The following JAKMIP1 variants were observed in gnomAD, a reference collection of about 807,000 sequenced individuals.
The protein encoded by JAKMIP1 is janus kinase and microtubule-interacting protein 1.
JAKMIP1 carries 33 observed loss-of-function variants against 113.0 expected under a neutral mutation model. The observed-to-expected ratio is 0.29, with a 90% confidence interval of 0.22 to 0.39. The LOEUF is 0.39. Among genes scored for constraint, JAKMIP1 ranks in the 10% least tolerant of loss-of-function variants. The pLI is 1.00. For missense variants in JAKMIP1, 813 were observed against 1,080.5 expected (o/e 0.75, Z 3.47); for synonymous variants, 480 against 459.9 (o/e 1.04, Z -0.56).
intron 9 of JAKMIP1, among the ~76,000 whole-genome samples, chr4:6,063,934 T>C (rs1017044765): frequency 6.6e-6 from 1 of 152,192 alleles, no homozygotes; most frequent in Non-Finnish European, 1.5e-5. Context: ...CCTGGAGAAG[T>C]GCTCCCTCGC....
Position 6,186,266 on chromosome 4 carries a change from A to G in JAKMIP1, c.-148+13987T>C. 6.6e-6 allele frequency among the ~76,000 whole-genome samples: 1 copy of G among 152,232 alleles called. No homozygotes were observed. Among genetic ancestry groups the G allele is most frequent in the African/African-American group, 2.4e-5 (1 of 41,470 alleles). The stretch of plus-strand genomic sequence containing the variant: ...AGGCACAGCAGGGTGGGGAAGTCCA[A>G]GGAATGGGCATTCCAGGAAAGTGGG... On this transcript the variant is annotated intron_variant, in intron 1 of 20. Transcript: ENST00000409021. This position sits in a 1 kb window ranked among gnomAD's most constrained non-coding sequence, Gnocchi z 5.5.
In JAKMIP1 at chr4:6,143,407, C is replaced by A. The variant is rs957123301; in HGVS notation, c.-147-30410G>T. Among the ~76,000 whole-genome samples the A allele has an allele frequency of 1.3e-5, 2 of 152,150 alleles. No homozygotes were observed. Among genetic ancestry groups the A allele is most frequent in the African/African-American group, 4.8e-5 (2 of 41,434 alleles). On this transcript the variant is annotated intron_variant, in intron 1 of 20. Transcript: ENST00000409021. This position sits in a 1 kb window ranked among gnomAD's most constrained non-coding sequence, Gnocchi z 4.9. The stretch of plus-strand genomic sequence containing the variant: ...TCAGCTGCCACCAACTCCTCTCTGG[C>A]GCCATGTCTGAACCCAGGCTGGTAA...
chr4:6,107,679 A>G (rs1393328691), intron 2 of JAKMIP1, among the ~76,000 whole-genome samples: 1 of 152,156 alleles, frequency 6.6e-6, no homozygotes, highest in Non-Finnish European at 1.5e-5. Flanking sequence ...TCTGCCCTAC[A>G]CATTTCAGAT....
At position 6,138,238 on chromosome 4, in the gene JAKMIP1, TTTTA is replaced by T. The variant is rs553322416; in HGVS notation, c.-147-25245_-147-25242del. Among the ~76,000 whole-genome samples, 96 of 152,210 alleles carry T rather than the reference TTTTA, an allele frequency of 6.3e-4. No individual in the cohort carries two copies. The highest frequency in any genetic ancestry group is 2.2e-3 in the African/African-American group (90 of 41,514). ...ACCCCAGAACCCAAGTTAATTTAAT[TTTTA>T]TTTATTTTTATTTTTATTTTTTTGA... On this transcript the variant is annotated intron_variant, in intron 1 of 20. Coordinates refer to ENST00000409021, the MANE Select transcript of JAKMIP1 (RefSeq NM_001099433.2). This position sits in a 1 kb window ranked among gnomAD's most constrained non-coding sequence, Gnocchi z 6.0.
chr4:6,078,665 G>GT (rs1364822940), intron 8 of JAKMIP1, among the ~76,000 whole-genome samples: 3 of 152,152 alleles, frequency 2.0e-5, no homozygotes, highest in Non-Finnish European at 4.4e-5. Context: ...AAGTATTTAT[G>GT]TTTTTAATTT....
In JAKMIP1 at chr4:6,044,573, A is replaced by G. The variant is rs1714752259; in HGVS notation, c.2029-2346T>C. On this transcript the variant is annotated intron_variant, in intron 16 of 20. Coordinates refer to ENST00000409021, the MANE Select transcript of JAKMIP1 (RefSeq NM_001099433.2). This position sits in a 1 kb window ranked among gnomAD's most constrained non-coding sequence, Gnocchi z 4.4. The stretch of plus-strand genomic sequence containing the variant: ...ACAGATAAGCATATTTTGGATGGGG[A>G]GTTACAGGTATTTCAGTTTTAATAT... Among the ~76,000 whole-genome samples the G allele has an allele frequency of 6.6e-6, 1 of 152,122 alleles. No homozygotes were observed. The highest frequency in any genetic ancestry group is 2.4e-5 in the African/African-American group (1 of 41,428).
rs1218578142 is a variant in JAKMIP1, at chr4:6,089,545, C to G, written c.625-3916G>C. 6.6e-6 allele frequency among the ~76,000 whole-genome samples: 1 copy of G among 152,200 alleles called. No individual in the cohort carries two copies. Among genetic ancestry groups the G allele is most frequent in the African/African-American group, 2.4e-5 (1 of 41,452 alleles). ...GGGAATGTGCTAACACTCTAGTTAG[C>G]AGCAGAACCATGACTCAAGTGCAGA... On this transcript the variant is annotated intron_variant, in intron 3 of 20. Transcript: ENST00000409021. This position sits in a 1 kb window ranked among gnomAD's most constrained non-coding sequence, Gnocchi z 5.3.
At position 6,178,213 on chromosome 4, in the gene JAKMIP1, A is replaced by G. The variant is rs7676990; in HGVS notation, c.-148+22040T>C. On this transcript the variant is annotated intron_variant, in intron 1 of 20. Coordinates refer to ENST00000409021, the MANE Select transcript of JAKMIP1 (RefSeq NM_001099433.2). This position sits in a 1 kb window ranked among gnomAD's most constrained non-coding sequence, Gnocchi z 5.5. ...AAAAAATGACCCTTTAATGTTTTGTATCTCATTTTTGAATTGAGAGACGTG... is the reference window on the plus strand; with the variant it reads ...AAAAAATGACCCTTTAATGTTTTGTGTCTCATTTTTGAATTGAGAGACGTG... Among the ~76,000 whole-genome samples, 800 of 152,330 alleles carry G rather than the reference A, an allele frequency of 5.3e-3. 7 individuals are homozygous for G. Among genetic ancestry groups the G allele is most frequent in the African/African-American group, 0.018 (741 of 41,572 alleles).
At chr4:6,054,401 G>A (rs62284780) in intron 12 of JAKMIP1, among the ~76,000 whole-genome samples, 2,338 of 152,336 alleles carry the variant, frequency 0.015, 36 homozygotes, top group Non-Finnish European at 0.024. Flanking sequence ...TGGCCCAGTG[G>A]AGTAGGGGCT....
chr4:6,086,548 C>G lies in JAKMIP1; in HGVS notation c.625-919G>C, dbSNP rs568431478. ...TGTCAGAAAGGACACAGGCTCAACA[C>G]AGTGGGCCGGGTGACAGTGAGGAAC... On this transcript the variant is annotated intron_variant, in intron 3 of 20. Transcript: ENST00000409021. The surrounding 1 kb of genome is among the most constrained non-coding windows in gnomAD (Gnocchi z 4.1). Among the ~76,000 whole-genome samples, 8 of 152,176 alleles carry G rather than the reference C, an allele frequency of 5.3e-5. No homozygotes were observed. The highest frequency in any genetic ancestry group is 4.4e-5 in the Non-Finnish European group (3 of 68,014).
rs1722259080 is a variant in JAKMIP1 at position 6,156,549 on chromosome 4, T to C, written c.-147-43552A>G. Among the ~76,000 whole-genome samples, 1 of 152,262 alleles carries C rather than the reference T, an allele frequency of 6.6e-6. No homozygotes were observed. On this transcript the variant is annotated intron_variant, in intron 1 of 20. Coordinates refer to ENST00000409021, the MANE Select transcript of JAKMIP1 (RefSeq NM_001099433.2). The surrounding 1 kb of genome is among the most constrained non-coding windows in gnomAD (Gnocchi z 5.0). ...AATCCAGAGCCATCTGTTCTGAGCG[T>C]TCGGCTTCAGCCCCCAGTCATCCTG... is the stretch of plus-strand genomic sequence containing the variant.
At chr4:6,068,447 A>C (rs975383700) in intron 8 of JAKMIP1, among the ~76,000 whole-genome samples, 5 of 152,216 alleles carry the variant, frequency 3.3e-5, no homozygotes, top group Non-Finnish European at 7.3e-5. Flanking sequence ...GCAGCAATGC[A>C]GAGGAATCCA....
intron 3 of JAKMIP1, among the ~76,000 whole-genome samples, chr4:6,100,755 A>AAT (rs1712877670): frequency 6.6e-6 from 1 of 151,974 alleles, no homozygotes; most frequent in Non-Finnish European, 1.5e-5. Flanking sequence ...GTTTTTTTTT[A>AAT]ATAGTCATTC....
In JAKMIP1 at chr4:6,097,448, C is replaced by T. The variant is rs552583959; in HGVS notation, c.624+8025G>A. ...GGTGTGTATGGAAGCTCTATCACAG[C>T]TGATGGGGGCTAGGGGGATCTTTTT... is the stretch of plus-strand genomic sequence containing the variant. On this transcript the variant is annotated intron_variant, in intron 3 of 20. Transcript: ENST00000409021. This position sits in a 1 kb window ranked among gnomAD's most constrained non-coding sequence, Gnocchi z 4.3. 2.6e-5 allele frequency among the ~76,000 whole-genome samples: 4 copies of T among 152,320 alleles called. No individual in the cohort carries two copies. Among genetic ancestry groups the T allele is most frequent in the African/African-American group, 9.6e-5 (4 of 41,574 alleles).
chr4:6,190,742 G>A (rs1158502088), intron 1 of JAKMIP1, among the ~76,000 whole-genome samples: 1 of 152,240 alleles, frequency 6.6e-6, no homozygotes, highest in African/African-American at 2.4e-5. Flanking sequence ...TCTCCATGTG[G>A]AACAAGCACA....
intron 11 of JAKMIP1, among the ~76,000 whole-genome samples, chr4:6,058,848 C>T (rs1351529159): frequency 6.6e-6 from 1 of 152,146 alleles, no homozygotes; most frequent in East Asian, 1.9e-4. Context: ...TGTGATCAGG[C>T]AAGTTACAGA....
rs987991804 is a variant in JAKMIP1, at chr4:6,088,429, C to T, written c.625-2800G>A. 6.6e-6 allele frequency among the ~76,000 whole-genome samples: 1 copy of T among 152,186 alleles called. No individual in the cohort carries two copies. Among genetic ancestry groups the T allele is most frequent in the Non-Finnish European group, 1.5e-5 (1 of 68,038 alleles). On this transcript the variant is annotated intron_variant, in intron 3 of 20. Coordinates refer to ENST00000409021, the MANE Select transcript of JAKMIP1 (RefSeq NM_001099433.2). The surrounding 1 kb of genome is among the most constrained non-coding windows in gnomAD (Gnocchi z 5.5). The stretch of plus-strand genomic sequence containing the variant: ...AGCCCCCGCCACTGCCTTCCACTAG[C>T]TCCCCACAAAAGACAGCACCGTCGC...
chr4:6,169,769 C>T (rs1388968350), intron 1 of JAKMIP1, among the ~76,000 whole-genome samples: 1 of 151,938 alleles, frequency 6.6e-6, no homozygotes, highest in African/African-American at 2.4e-5. Flanking sequence ...ACCATGTGGC[C>T]TTGTGCCTCA....
chr4:6,094,081 C>A lies in JAKMIP1; in HGVS notation c.625-8452G>T, dbSNP rs1024725796. Among the ~76,000 whole-genome samples, 23 of 152,108 alleles carry A rather than the reference C, an allele frequency of 1.5e-4. No homozygotes were observed. Among genetic ancestry groups the A allele is most frequent in the African/African-American group, 5.6e-4 (23 of 41,414 alleles). ...AGGCAGGGTTTTAGCCATGGCCCCC[C>A]AGGACTCCCCCGAGAGGCTGGCCCA... is the stretch of plus-strand genomic sequence containing the variant. On this transcript the variant is annotated intron_variant, in intron 3 of 20. Transcript: ENST00000409021. This position sits in a 1 kb window ranked among gnomAD's most constrained non-coding sequence, Gnocchi z 4.2.
Sources: allele counts gnomAD v4.1 joint callset (sites outside exome capture counted in the v4.1 genomes callset), GRCh38; gene constraint gnomAD v4.1.1; non-coding constraint Gnocchi (gnomAD v3.1); transcripts MANE v1.5; gene names NCBI Gene and HGNC (gene_info 2026-07-23, HGNC 2026-07-21).